Variants in CEP70 observed in about 807,000 individuals in gnomAD.
The protein encoded by CEP70 is centrosomal protein of 70 kDa.
Under a neutral mutation model 90.9 loss-of-function variants are expected in CEP70, and 70 were observed. That is an observed-to-expected ratio of 0.77 (90% confidence interval 0.64 to 0.94). The LOEUF (loss-of-function observed/expected upper bound fraction) is 0.94, where lower values mean the gene tolerates loss of function less well. Ranked by LOEUF, CEP70 falls within the 40% of genes least tolerant of loss-of-function variation. CEP70 has a pLI of 0.00. For synonymous variants in CEP70, 220 were observed against 228.3 expected, an observed-to-expected ratio of 0.96 and a Z score of 0.33; for missense variants, 648 against 669.0, an observed-to-expected ratio of 0.97 and a Z score of 0.35.
In CEP70 at chr3:138,514,534, A is replaced by G. The variant is rs180933821; in HGVS notation, c.945-5990T>C. ...TTTTAATTATTTCCCCAGCATCAGT[A>G]GTACTTTGAAAAAATATTCTACCTC... is the stretch of plus-strand genomic sequence containing the variant. On this transcript the variant is annotated intron_variant, in intron 11 of 17. Coordinates refer to ENST00000264982, the MANE Select transcript of CEP70 (RefSeq NM_024491.4). Among the ~76,000 whole-genome samples the G allele has an allele frequency of 5.3e-4, 80 of 152,304 alleles. 1 individual carries two copies. Among genetic ancestry groups the G allele is most frequent in the Admixed American group, 1.6e-3 (24 of 15,304 alleles).
At chr3:138,497,749 T>C in intron 17 of CEP70, 1 of 985,360 alleles carries the variant, frequency 1.0e-6, no homozygotes, top group Non-Finnish European at 1.2e-6. Context: ...CATTAGACAA[T>C]GACAGAGCCA....
At chr3:138,574,445 G>A (rs1381953686) in intron 2 of CEP70, among the ~76,000 whole-genome samples, 1 of 152,204 alleles carries the variant, frequency 6.6e-6, no homozygotes, top group East Asian at 1.9e-4. Flanking sequence ...AGGAAAGCTT[G>A]AACTGGGTAG....
intron 6 of CEP70, among the ~76,000 whole-genome samples, chr3:138,562,613 T>C (rs1177429153): frequency 1.3e-5 from 2 of 152,196 alleles, no homozygotes; most frequent in East Asian, 1.9e-4. Context: ...CTAAGCTTCA[T>C]AAGTGAAGGA....
At position 138,537,319 on chromosome 3, in the gene CEP70, C is replaced by G. The variant is rs773856901; in HGVS notation, c.494G>C (p.Arg165Pro). 2 of 1,596,074 alleles carry G rather than the reference C, an allele frequency of 1.3e-6. No homozygotes were observed. Among genetic ancestry groups the G allele is most frequent in the Admixed American group, 1.8e-5 (1 of 55,838 alleles). Residue 165 changes from arginine (R) to proline (P), a missense_variant, in exon 7 of 18, where the codon CGA (arginine) becomes CCA (proline). Transcript: ENST00000264982. ...AGCAATAGTTTCTTCTTGCTCCGTT[C>G]GTTTTTTCTTATAATGCTGGCACTT... Reference protein sequence around the residue: ...QVKCQHYKKKRTEQEETIASL... With the variant: ...QVKCQHYKKKPTEQEETIASL...
intron 6 of CEP70, among the ~76,000 whole-genome samples, chr3:138,568,982 T>TA (rs1302128670): frequency 4.2e-5 from 6 of 143,394 alleles, no homozygotes; most frequent in African/African-American, 1.3e-4. Context: ...AGACTCTGTC[T>TA]AAAAAAACAA....
chr3:138,530,928 A>G, intron 8 of CEP70: 1 of 772,378 alleles, frequency 1.3e-6, no homozygotes. Context: ...ATGAATCCCG[A>G]AAAACTCCCT....
At chr3:138,581,927 A>C (rs11916525) in intron 2 of CEP70, among the ~76,000 whole-genome samples, 19,768 of 151,974 alleles carry the variant, frequency 0.13, 2,718 homozygotes, top group East Asian at 0.38. Flanking sequence ...GAAACAAATA[A>C]TATACAATGG....
intron 6 of CEP70, among the ~76,000 whole-genome samples, chr3:138,537,552 T>C (rs1211361205): frequency 6.6e-5 from 10 of 152,132 alleles, no homozygotes; most frequent in Non-Finnish European, 1.2e-4. Flanking sequence ...CAAATAGCTA[T>C]AAAATGGGGA....
chr3:138,571,108 C>T lies in CEP70; in HGVS notation c.210G>A (p.Leu70=), dbSNP rs760957754. The T allele has an allele frequency of 6.2e-7, 1 of 1,604,958 alleles. No homozygotes were observed. The highest frequency in any genetic ancestry group is 8.5e-7 in the Non-Finnish European group (1 of 1,172,974). ...ATGATGTTTCTTCCACCAACAATTTCAAATTCTGTCTCATCCTTTGTGATG... is the reference window on the plus strand; with the variant it reads ...ATGATGTTTCTTCCACCAACAATTTTAAATTCTGTCTCATCCTTTGTGATG... ...KQSSQRMRQN[L]KLLVEETSCQ... Residue 70 remains leucine, a synonymous_variant, in exon 5 of 18, where the codon TTG becomes TTA. Coordinates refer to ENST00000264982, the MANE Select transcript of CEP70 (RefSeq NM_024491.4).
intron 2 of CEP70, among the ~76,000 whole-genome samples, chr3:138,582,526 C>A (rs2041918312): frequency 6.6e-6 from 1 of 151,240 alleles, no homozygotes; most frequent in Admixed American, 6.6e-5. Context: ...TTAATCCCAG[C>A]ACTTTGGGAG....
In CEP70 at chr3:138,508,464, G is replaced by A; in HGVS notation, c.1025C>T (p.Ala342Val). The change falls in exon 12 of 18, where the codon GCC (alanine) becomes GTC (valine). Residue 342 changes from alanine (A) to valine (V), a missense_variant. By Grantham distance (64) the Ala-to-Val change is moderately conservative (BLOSUM62 0). Coordinates refer to ENST00000264982, the MANE Select transcript of CEP70 (RefSeq NM_024491.4). The part of the protein sequence containing the change: ...DEPSKYNQQQ[A>V]LIDQRYFQVL... ...CTGAAAGTATCTCTGGTCAATTAGGGCCTGTTGCTGATTATATTTGCTGGG... is the reference window on the plus strand; with the variant it reads ...CTGAAAGTATCTCTGGTCAATTAGGACCTGTTGCTGATTATATTTGCTGGG... 1 of 1,609,560 alleles carries A rather than the reference G, an allele frequency of 6.2e-7. No homozygotes were observed. Among genetic ancestry groups the A allele is most frequent in the South Asian group, 1.1e-5 (1 of 90,940 alleles).
intron 2 of CEP70, among the ~76,000 whole-genome samples, chr3:138,574,140 T>C (rs1014484617): frequency 2.6e-5 from 4 of 152,144 alleles, no homozygotes; most frequent in Admixed American, 1.3e-4. Flanking sequence ...GGGTGGGGCA[T>C]TGCCTCACCC....
intron 6 of CEP70, among the ~76,000 whole-genome samples, chr3:138,551,761 A>AG (rs2039640216): frequency 6.8e-6 from 1 of 147,260 alleles, no homozygotes; most frequent in East Asian, 2.0e-4. Context: ...AAAAAAAATA[A>AG]AATAAAACAA....
At chr3:138,547,041 A>C (rs2039262105) in intron 6 of CEP70, among the ~76,000 whole-genome samples, 1 of 152,162 alleles carries the variant, frequency 6.6e-6, no homozygotes, top group South Asian at 2.1e-4. Context: ...GAAATAATGA[A>C]ATTGAAATGA....
At chr3:138,552,167 T>C (rs907910642) in intron 6 of CEP70, among the ~76,000 whole-genome samples, 28 of 152,148 alleles carry the variant, frequency 1.8e-4, no homozygotes, top group Admixed American at 1.4e-3. Flanking sequence ...TGTTCCCAAA[T>C]TTATGAAACA....
chr3:138,508,955 G>A (rs1466121823), intron 11 of CEP70, among the ~76,000 whole-genome samples: 2 of 151,962 alleles, frequency 1.3e-5, no homozygotes, highest in Admixed American at 6.6e-5. Context: ...GGATGGTCTC[G>A]ATCTCCTGAC....
intron 10 of CEP70, 78 bp from the exon 11 acceptor site, chr3:138,525,642 C>T (rs1560332531): frequency 4.8e-6 from 3 of 622,206 alleles, no homozygotes; most frequent in South Asian, 4.1e-5. Context: ...TAACGACATA[C>T]AAAACTTTGT....
At chr3:138,497,235 T>C in intron 17 of CEP70, 1 of 1,253,998 alleles carries the variant, frequency 8.0e-7, no homozygotes, top group Non-Finnish European at 1.0e-6. Context: ...ATTAGATACT[T>C]CTTTCACTTA....
At chr3:138,506,257 G>A (rs2034977298) in intron 12 of CEP70, among the ~76,000 whole-genome samples, 1 of 152,150 alleles carries the variant, frequency 6.6e-6, no homozygotes, top group South Asian at 2.1e-4. Flanking sequence ...GTTGAGGCAG[G>A]AGGATCACTT....
Sources: allele counts gnomAD v4.1 joint callset (sites outside exome capture counted in the v4.1 genomes callset), GRCh38; gene constraint gnomAD v4.1.1; transcripts MANE v1.5; gene names NCBI Gene and HGNC (gene_info 2026-07-23, HGNC 2026-07-21).